CMYA5: variants seen among roughly 807,000 people sequenced by gnomAD.
CMYA5 encodes the protein cardiomyopathy associated 5.
A neutral mutation model predicts 318.9 loss-of-function variants in CMYA5; 246 were observed. That is an observed-to-expected ratio of 0.77 (90% CI 0.70 to 0.86). The LOEUF is 0.86. Among genes scored for constraint, CMYA5 ranks in the 40% least tolerant of loss-of-function variants. The pLI is 0.00. For missense variants in CMYA5, 4,589 were observed against 4,678.2 expected (o/e 0.98, Z 0.56); for synonymous variants, 1,641 against 1,729.5 (o/e 0.95, Z 1.27).
chr5:79,717,334 A>G lies in CMYA5; in HGVS notation c.150-11581A>G, dbSNP rs139547953. Reference sequence around the variant, plus strand: ...GCCACCAAAAGAAACACTAAGGGACATTGATTCCTGCTTACAGAAAGTTTA... The same window carrying G: ...GCCACCAAAAGAAACACTAAGGGACGTTGATTCCTGCTTACAGAAAGTTTA... On this transcript the variant is annotated intron_variant, in intron 1 of 12. Transcript: ENST00000446378. Among the ~76,000 whole-genome samples the G allele has an allele frequency of 6.0e-4, 91 of 152,364 alleles. 4 individuals carry two copies. The East Asian group carries it at 9.8e-3, about 16-fold the overall frequency.
rs572876054 is a variant in CMYA5, at chr5:79,726,769, C to T, written c.150-2146C>T. Among the ~76,000 whole-genome samples the T allele has an allele frequency of 2.6e-5, 4 of 152,214 alleles. No homozygotes were observed. In the South Asian group the frequency reaches 6.2e-4, roughly 24 times the overall value. ...GTAGACTGCTGGGGAAACTCTGAAG[C>T]TTAATAAGGGAAGTTGAGTGCACCT... On this transcript the variant is annotated intron_variant, in intron 1 of 12. Coordinates refer to ENST00000446378, the MANE Select transcript of CMYA5 (RefSeq NM_153610.5).
Position 79,739,371 on chromosome 5 carries a change from T to A in CMYA5, c.10606T>A (p.Ser3536Thr). ...TGGCACCCACAAAGACCATGAAGTT[T>A]CAACGCTTGACACAGCTATAAGTGC... ...VFGTHKDHEVSTLDTAISAVK... is the reference protein window; with the variant it reads ...VFGTHKDHEVTTLDTAISAVK... Residue 3536 changes from serine (S) to threonine (T), a missense_variant, in exon 2 of 13, where the codon TCA becomes ACA. Transcript: ENST00000446378. The A allele has an allele frequency of 6.4e-7, 1 of 1,554,826 alleles. No homozygotes were observed. Among genetic ancestry groups the A allele is most frequent in the Non-Finnish European group, 8.7e-7 (1 of 1,150,170 alleles).
rs373119742 is a variant in CMYA5 at position 79,731,249 on chromosome 5, T to G, written c.2484T>G (p.Ser828=). Residue 828 remains serine, a synonymous_variant, in exon 2 of 13, where the codon TCT becomes TCG. Transcript: ENST00000446378. Reference sequence around the variant, plus strand: ...CCCAATTCAAACCAAAAGGTATTTCTGAGCACACAGTTCTGTCAGTAGACG... The same window carrying G: ...CCCAATTCAAACCAAAAGGTATTTCGGAGCACACAGTTCTGTCAGTAGACG... ...EASQFKPKGI[S]EHTVLSVDGK... The G allele has an allele frequency of 6.0e-5, 97 of 1,613,934 alleles. No individual in the cohort carries two copies. The highest frequency in any genetic ancestry group is 1.4e-5 in the Non-Finnish European group (16 of 1,179,898).
rs976548188 is a variant in CMYA5 at position 79,729,099 on chromosome 5, T to G, written c.334T>G (p.Ser112Ala). The G allele has an allele frequency of 2.5e-6, 4 of 1,613,402 alleles. No individual in the cohort carries two copies. Among genetic ancestry groups the G allele is most frequent in the Admixed American group, 3.3e-5 (2 of 59,920 alleles). The change falls in exon 2 of 13, where the codon TCA becomes GCA. Residue 112 changes from serine to alanine, a missense_variant. Physicochemically the swap from Ser to Ala is moderately conservative, Grantham distance 99. Transcript: ENST00000446378. ...TTCTGGTGTGTGTAGTCGGGAAGGGTCAACTGTGAATTCTCCTCCTGGAAA... is the reference window on the plus strand; with the variant it reads ...TTCTGGTGTGTGTAGTCGGGAAGGGGCAACTGTGAATTCTCCTCCTGGAAA... The part of the protein sequence containing the change: ...QTSGVCSREG[S>A]TVNSPPGNVS...
intron 1 of CMYA5, among the ~76,000 whole-genome samples, chr5:79,707,096 T>G (rs1042145519): frequency 6.6e-6 from 1 of 152,218 alleles, no homozygotes; most frequent in African/African-American, 2.4e-5. Flanking sequence ...ATTTTCTTGG[T>G]GTGGCTTGTT....
intron 9 of CMYA5, among the ~76,000 whole-genome samples, chr5:79,774,603 GTC>G (rs1288871766): frequency 2.0e-5 from 3 of 152,200 alleles, no homozygotes; most frequent in Admixed American, 6.5e-5. Context: ...CTGGGAGTGA[GTC>G]TCCTGCTCCC....
In CMYA5 at chr5:79,755,391, A is replaced by G. The variant is rs1246174765; in HGVS notation, c.11110+2597A>G. Among the ~76,000 whole-genome samples, 4 of 151,914 alleles carry G rather than the reference A, an allele frequency of 2.6e-5. No homozygotes were observed. The East Asian group carries it at 5.8e-4, about 22-fold the overall frequency. On this transcript the variant is annotated intron_variant, in intron 6 of 12. Coordinates refer to ENST00000446378, the MANE Select transcript of CMYA5 (RefSeq NM_153610.5). ...AACCTCCGCCTCCCGGGTTCAAGCCATTCTTATGCCTCAGCCTCCCCAGTA... is the reference window on the plus strand; with the variant it reads ...AACCTCCGCCTCCCGGGTTCAAGCCGTTCTTATGCCTCAGCCTCCCCAGTA...
intron 3 of CMYA5, 73 bp downstream of exon 3, chr5:79,743,995 G>A (rs1561216385): frequency 1.3e-6 from 1 of 747,052 alleles, no homozygotes; most frequent in Admixed American, 3.1e-5. Flanking sequence ...CTGAGGTGAA[G>A]GGATCTGACT....
At chr5:79,707,907 T>G (rs1827305529) in intron 1 of CMYA5, among the ~76,000 whole-genome samples, 1 of 152,196 alleles carries the variant, frequency 6.6e-6, no homozygotes, top group Admixed American at 6.5e-5. Flanking sequence ...CACTGCAGAT[T>G]CAGTGTCTGG....
rs771088527 is a variant in CMYA5 at position 79,737,794 on chromosome 5, A to T, written c.9029A>T (p.Asp3010Val). The change falls in exon 2 of 13, where the codon GAT (aspartate) becomes GTT (valine). Residue 3010 changes from aspartate to valine, a missense_variant. Asp to Val is a radical substitution (Grantham distance 152, BLOSUM62 -3). Coordinates refer to ENST00000446378, the MANE Select transcript of CMYA5 (RefSeq NM_153610.5). ...CHKTLKSRLE[D>V]EKVTPLKENK... Reference sequence around the variant, plus strand: ...AAAACATTAAAGAGCAGGTTAGAAGATGAAAAAGTTACCCCATTGAAAGAA... The same window carrying T: ...AAAACATTAAAGAGCAGGTTAGAAGTTGAAAAAGTTACCCCATTGAAAGAA... 50 of 1,610,570 alleles carry T rather than the reference A, an allele frequency of 3.1e-5. 1 individual carries two copies. Among genetic ancestry groups the T allele is most frequent in the Non-Finnish European group, 4.2e-5 (50 of 1,179,148 alleles).
chr5:79,787,251 C>A (rs77636339), intron 9 of CMYA5, among the ~76,000 whole-genome samples: 7,579 of 151,982 alleles, frequency 0.05, 541 homozygotes, highest in East Asian at 0.26. Flanking sequence ...CTCAGAATAA[C>A]AGGCAGAGAC....
At chr5:79,715,886 G>A (rs1246295303) in intron 1 of CMYA5, among the ~76,000 whole-genome samples, 1 of 152,166 alleles carries the variant, frequency 6.6e-6, no homozygotes, top group Non-Finnish European at 1.5e-5. Context: ...GTTCTGTGCT[G>A]CTTACAGAGC....
rs200355561 is a variant in CMYA5 at position 79,732,067 on chromosome 5, C to T, written c.3302C>T (p.Thr1101Ile). ...EIKPEIPTTSTSVSEYLILAQ... is the reference protein window; with the variant it reads ...EIKPEIPTTSISVSEYLILAQ... The stretch of plus-strand genomic sequence containing the variant: ...AAGCCAGAGATTCCAACAACCTCAA[C>T]ATCTGTATCTGAATATCTCATTTTG... The change falls in exon 2 of 13, where the codon ACA (threonine) becomes ATA (isoleucine). Residue 1101 changes from threonine (T) to isoleucine (I), a missense_variant. By Grantham distance (89) the Thr-to-Ile change is moderately conservative. Around this residue, in one of 3 missense-constraint regions of CMYA5, gnomAD observed 2,132 missense variants for 2,131.3 expected, o/e 1.00. Coordinates refer to ENST00000446378, the MANE Select transcript of CMYA5 (RefSeq NM_153610.5). The T allele has an allele frequency of 4.0e-5, 64 of 1,614,004 alleles. No homozygotes were observed. The Middle Eastern group carries it at 4.9e-4, about 12-fold the overall frequency.
intron 7 of CMYA5, 70 bp from the exon 8 acceptor site, chr5:79,761,741 T>C: frequency 6.7e-7 from 1 of 1,482,330 alleles, no homozygotes; most frequent in Non-Finnish European, 9.1e-7. Flanking sequence ...CATAGATGAC[T>C]TTCTCCAGTA....
At position 79,799,511 on chromosome 5, in the gene CMYA5, G is replaced by A. The variant is rs374852802; in HGVS notation, c.12105G>A (p.Arg4035=). 6.6e-5 allele frequency: 107 copies of A among 1,613,880 alleles called. No homozygotes were observed. The highest frequency in any genetic ancestry group is 8.5e-5 in the Non-Finnish European group (100 of 1,179,898). The change falls in exon 13 of 13, where the codon AGG becomes AGA. Residue 4035 remains arginine, a synonymous_variant. Coordinates refer to ENST00000446378, the MANE Select transcript of CMYA5 (RefSeq NM_153610.5). ...GCGAGCAGTTGCTCTTCATCATCAG[G>A]CACAGGTTTAATGAGGGTGTCCACC... is the stretch of plus-strand genomic sequence containing the variant. ...AESEQLLFII[R]HRFNEGVHPA...
chr5:79,718,613 A>G (rs570162549), intron 1 of CMYA5, among the ~76,000 whole-genome samples: 3 of 152,328 alleles, frequency 2.0e-5, no homozygotes, highest in African/African-American at 7.2e-5. Context: ...ATATTCCTAT[A>G]AAGAACTTTA....
At position 79,736,888 on chromosome 5, in the gene CMYA5, G is replaced by A. The variant is rs28362542; in HGVS notation, c.8123G>A (p.Arg2708His). 140,980 of 1,608,662 alleles carry A rather than the reference G, an allele frequency of 0.088. 10,892 individuals carry two copies. The highest frequency in any genetic ancestry group is 0.46 in the East Asian group (20,494 of 44,702). Residue 2708 changes from arginine (R) to histidine (H), a missense_variant, in exon 2 of 13, where the codon CGT (arginine) becomes CAT (histidine). Arg to His is a conservative substitution (Grantham distance 29). Around this residue, in one of 3 missense-constraint regions of CMYA5, gnomAD observed 2,431 missense variants for 2,495.1 expected, o/e 0.97. Transcript: ENST00000446378. ...GAAAAGGCAGTAGGAACCCAACCAC[G>A]TCCTTTAGAAGAAAGTAAAGTTTTG... The part of the protein sequence containing the change: ...FQEKAVGTQP[R>H]PLEESKVLVE...
chr5:79,737,569 G>A lies in CMYA5; in HGVS notation c.8804G>A (p.Gly2935Glu). 6.2e-7 allele frequency: 1 copy of A among 1,613,664 alleles called. No homozygotes were observed. The highest frequency in any genetic ancestry group is 8.5e-7 in the Non-Finnish European group (1 of 1,179,788). ...EDFTVTSKPA[G>E]LSEDQKTAFS... is the part of the protein sequence containing the mutation. ...TTTACAGTGACTAGTAAGCCAGCCGGACTTTCAGAAGATCAGAAGACTGCC... is the reference window on the plus strand; with the variant it reads ...TTTACAGTGACTAGTAAGCCAGCCGAACTTTCAGAAGATCAGAAGACTGCC... Residue 2935 changes from glycine to glutamate, a missense_variant, in exon 2 of 13, where the codon GGA (glycine) becomes GAA (glutamate). Around this residue, in one of 3 missense-constraint regions of CMYA5, gnomAD observed 2,431 missense variants for 2,495.1 expected, o/e 0.97. Transcript: ENST00000446378.
In CMYA5 at chr5:79,732,421, A is replaced by G. The variant is rs1358382567; in HGVS notation, c.3656A>G (p.His1219Arg). ...IVPDSQEATAHVSQDQKMEPQ... is the reference protein window; with the variant it reads ...IVPDSQEATARVSQDQKMEPQ... ...CCTGATTCTCAAGAAGCTACAGCAC[A>G]TGTATCACAGGATCAAAAAATGGAG... The change falls in exon 2 of 13, where the codon CAT becomes CGT. Residue 1219 changes from histidine (H) to arginine (R), a missense_variant. Physicochemically the swap from His to Arg is conservative, Grantham distance 29. This residue lies in a region of CMYA5 where 2,132 missense variants were observed against 2,131.3 expected (regional missense o/e 1.00). Coordinates refer to ENST00000446378, the MANE Select transcript of CMYA5 (RefSeq NM_153610.5). 1.9e-6 allele frequency: 3 copies of G among 1,613,746 alleles called. No homozygotes were observed. Among genetic ancestry groups the G allele is most frequent in the South Asian group, 1.1e-5 (1 of 91,012 alleles).
Sources: allele counts gnomAD v4.1 joint callset (sites outside exome capture counted in the v4.1 genomes callset), GRCh38; gene constraint gnomAD v4.1.1; regional missense constraint gnomAD v4.1.1; transcripts MANE v1.5; gene names NCBI Gene and HGNC (gene_info 2026-07-23, HGNC 2026-07-21).